ADCY8: variants seen among roughly 807,000 people sequenced by gnomAD.
The protein encoded by ADCY8 is adenylate cyclase type 8.
Under a neutral mutation model 119.7 loss-of-function variants are expected in ADCY8, and 51 were observed. The ratio of observed to expected loss-of-function variants is 0.43; its 90% confidence interval spans 0.34 to 0.54. The LOEUF (loss-of-function observed/expected upper bound fraction) is 0.54. ADCY8 is among the 20% of genes least tolerant of loss of function. The pLI, the probability that ADCY8 is intolerant of heterozygous loss-of-function variation, is 0.03. For synonymous variants in ADCY8, 665 were observed against 651.0 expected (o/e 1.02, Z -0.33); for missense variants, 1,383 against 1,598.8 (o/e 0.87, Z 2.30).
intron 1 of ADCY8, among the ~76,000 whole-genome samples, chr8:131,034,249 G>A (rs750121413): frequency 4.6e-5 from 7 of 152,092 alleles, no homozygotes; most frequent in Non-Finnish European, 1.0e-4. Flanking sequence ...CTTAGACTTA[G>A]ACAAAGAACA....
At chr8:130,852,566 T>C (rs754754471) in intron 9 of ADCY8, among the ~76,000 whole-genome samples, 1 of 152,076 alleles carries the variant, frequency 6.6e-6, no homozygotes, top group African/African-American at 2.4e-5. Context: ...CCAACGAGTA[T>C]AAAAATGTCT....
At chr8:131,007,357 G>A (rs1163464805) in intron 1 of ADCY8, among the ~76,000 whole-genome samples, 10 of 152,128 alleles carry the variant, frequency 6.6e-5, no homozygotes, top group Non-Finnish European at 2.9e-5. Flanking sequence ...CTCAGATGGG[G>A]ACTATTTTAC....
chr8:130,983,117 A>G (rs1822287679), intron 2 of ADCY8, among the ~76,000 whole-genome samples: 1 of 152,224 alleles, frequency 6.6e-6, no homozygotes, highest in East Asian at 1.9e-4. Context: ...CAAAAGGGAT[A>G]ATAAAAGAGA....
At chr8:130,844,498 G>A (rs1817239803) in intron 11 of ADCY8, among the ~76,000 whole-genome samples, 1 of 152,166 alleles carries the variant, frequency 6.6e-6, no homozygotes. Flanking sequence ...AGGCAGAAAT[G>A]TCAGGTATAC....
intron 1 of ADCY8, among the ~76,000 whole-genome samples, chr8:131,034,651 G>A (rs1193840050): frequency 6.6e-6 from 1 of 152,116 alleles, no homozygotes; most frequent in Non-Finnish European, 1.5e-5. Context: ...TGAGCACTAA[G>A]TAACCTGGAT....
chr8:130,967,769 A>G (rs1821804876), intron 2 of ADCY8, among the ~76,000 whole-genome samples: 1 of 152,156 alleles, frequency 6.6e-6, no homozygotes, highest in African/African-American at 2.4e-5. Context: ...CAGTTCTAAA[A>G]TACATCAAAC....
At chr8:130,859,839 T>C (rs184566442) in intron 9 of ADCY8, among the ~76,000 whole-genome samples, 1 of 152,214 alleles carries the variant, frequency 6.6e-6, no homozygotes, top group Non-Finnish European at 1.5e-5. Flanking sequence ...CACCTAACGA[T>C]CTATTTACCA....
chr8:131,016,950 C>T (rs1453431922), intron 1 of ADCY8, among the ~76,000 whole-genome samples: 1 of 151,926 alleles, frequency 6.6e-6, no homozygotes, highest in Non-Finnish European at 1.5e-5. Context: ...TTCTTTAGCC[C>T]TAAGAGTAAC....
intron 8 of ADCY8, among the ~76,000 whole-genome samples, chr8:130,870,347 A>G (rs1439058748): frequency 6.6e-6 from 1 of 152,046 alleles, no homozygotes; most frequent in Non-Finnish European, 1.5e-5. Context: ...CATCATCATC[A>G]TGAACATCAC....
At chr8:130,925,319 C>A (rs1488938399) in intron 5 of ADCY8, among the ~76,000 whole-genome samples, 2 of 152,198 alleles carry the variant, frequency 1.3e-5, no homozygotes, top group African/African-American at 4.8e-5. Context: ...TGTAACTCAA[C>A]TGCATCAAAT....
chr8:130,997,986 G>A (rs1341854319), intron 1 of ADCY8, among the ~76,000 whole-genome samples: 1 of 152,132 alleles, frequency 6.6e-6, no homozygotes, highest in East Asian at 1.9e-4. Context: ...AACTACATTT[G>A]AAAAGCCTTC....
intron 9 of ADCY8, among the ~76,000 whole-genome samples, chr8:130,860,751 T>C (rs7818971): frequency 0.64 from 97,186 of 151,998 alleles, 31,533 homozygotes; most frequent in African/African-American, 0.75. Flanking sequence ...TTTTAAGCCC[T>C]GCATGCATTA....
At chr8:130,828,465 C>G (rs189779342) in intron 12 of ADCY8, among the ~76,000 whole-genome samples, 63 of 151,996 alleles carry the variant, frequency 4.1e-4, no homozygotes, top group Non-Finnish European at 7.5e-4. Context: ...GGCCTGGAGA[C>G]CACATGGCAT....
At chr8:130,865,157 T>C (rs1449165746) in intron 9 of ADCY8, among the ~76,000 whole-genome samples, 3 of 152,156 alleles carry the variant, frequency 2.0e-5, no homozygotes, top group Non-Finnish European at 4.4e-5. Context: ...CCGTGGTTAG[T>C]ATACAGGGTC....
rs902773661 is a variant in ADCY8 at position 130,858,466 on chromosome 8, G to A, written c.2211-8663C>T. ...GAAATTTTCTTCATGATTACATTACGGGTTTGGGGAGGAAGACCACAGAGG... is the reference window on the plus strand; with the variant it reads ...GAAATTTTCTTCATGATTACATTACAGGTTTGGGGAGGAAGACCACAGAGG... On this transcript the variant is annotated intron_variant, in intron 9 of 17. Transcript: ENST00000286355. Among the ~76,000 whole-genome samples the A allele has an allele frequency of 2.6e-5, 4 of 152,134 alleles. No homozygotes were observed. The East Asian group carries it at 7.7e-4, about 29-fold the overall frequency.
At chr8:130,905,089 T>A (rs1334751514) in intron 6 of ADCY8, among the ~76,000 whole-genome samples, 2 of 152,246 alleles carry the variant, frequency 1.3e-5, no homozygotes, top group Middle Eastern at 3.2e-3. Flanking sequence ...TATCTCTGAC[T>A]ATTATTGTGA....
intron 16 of ADCY8, among the ~76,000 whole-genome samples, 188 bp downstream of exon 16, chr8:130,785,195 G>T (rs544893249): frequency 2.0e-5 from 3 of 152,296 alleles, no homozygotes; most frequent in African/African-American, 7.2e-5. Flanking sequence ...AAGCAGCGTG[G>T]CTTCATCTGG....
At chr8:130,918,565 A>T (rs775913478) in intron 5 of ADCY8, among the ~76,000 whole-genome samples, 14 of 152,226 alleles carry the variant, frequency 9.2e-5, no homozygotes, top group Non-Finnish European at 1.2e-4. Flanking sequence ...CATTTTAATT[A>T]ATTTAAAAAT....
At position 130,821,981 on chromosome 8, in the gene ADCY8, A is replaced by G. The variant is rs573904296; in HGVS notation, c.2676-561T>C. Reference sequence around the variant, plus strand: ...GGAGAAAAGATGTTAACAATAGATGATACTAATTATTATGCTTCTATAGAC... The same window carrying G: ...GGAGAAAAGATGTTAACAATAGATGGTACTAATTATTATGCTTCTATAGAC... On this transcript the variant is annotated intron_variant, in intron 12 of 17. Transcript: ENST00000286355. Among the ~76,000 whole-genome samples the G allele has an allele frequency of 3.9e-5, 6 of 152,336 alleles. No homozygotes were observed. The South Asian group carries it at 8.3e-4, about 21-fold the overall frequency.
Sources: allele counts gnomAD v4.1 joint callset (sites outside exome capture counted in the v4.1 genomes callset), GRCh38; gene constraint gnomAD v4.1.1; transcripts MANE v1.5; gene names NCBI Gene and HGNC (gene_info 2026-07-23, HGNC 2026-07-21).